Variants in SRPK1 observed in about 807,000 individuals in gnomAD.
The protein encoded by SRPK1 is SFRS protein kinase 1.
A neutral mutation model predicts 89.5 loss-of-function variants in SRPK1; 52 were observed. The ratio of observed to expected loss-of-function variants is 0.58; its 90% CI spans 0.46 to 0.73. The LOEUF (loss-of-function observed/expected upper bound fraction) is 0.73, where lower values mean the gene tolerates loss of function less well. SRPK1 is among the 30% of genes least tolerant of loss of function. SRPK1 has a pLI of 0.00. For synonymous variants in SRPK1, 255 were observed against 270.2 expected, an observed-to-expected ratio of 0.94 and a Z score of 0.55; for missense variants, 603 against 780.6, an observed-to-expected ratio of 0.77 and a Z score of 2.71.
At chr6:35,906,486 A>T (rs920252867) in intron 2 of SRPK1, among the ~76,000 whole-genome samples, 3 of 152,232 alleles carry the variant, frequency 2.0e-5, no homozygotes, top group African/African-American at 7.2e-5. Flanking sequence ...TGGCCTCCCA[A>T]AGTGCTGAGA....
intron 6 of SRPK1, among the ~76,000 whole-genome samples, chr6:35,884,846 C>T (rs952345745): frequency 2.4e-4 from 36 of 151,960 alleles, no homozygotes; most frequent in African/African-American, 6.8e-4. Context: ...ACTAAAAATA[C>T]AAAATTAGCT....
chr6:35,865,666 A>G (rs888788974), intron 12 of SRPK1, among the ~76,000 whole-genome samples: 5 of 152,172 alleles, frequency 3.3e-5, no homozygotes, highest in Non-Finnish European at 7.3e-5. Flanking sequence ...CTGATCTTTG[A>G]AAAGTCAACA....
At chr6:35,889,673 A>C (rs1290796176) in intron 3 of SRPK1, among the ~76,000 whole-genome samples, 1 of 152,080 alleles carries the variant, frequency 6.6e-6, no homozygotes, top group Non-Finnish European at 1.5e-5. Context: ...AGTCCCAGCT[A>C]CTCGGGAGGC....
intron 14 of SRPK1, chr6:35,838,810 G>A (rs1199294233): frequency 7.3e-7 from 1 of 1,370,510 alleles, no homozygotes; most frequent in African/African-American, 1.5e-5. Context: ...TAAAATAGAA[G>A]GGTAAGAAGA....
At chr6:35,835,791 A>T (rs1769165684) in intron 15 of SRPK1, among the ~76,000 whole-genome samples, 1 of 152,190 alleles carries the variant, frequency 6.6e-6, no homozygotes, top group Admixed American at 6.5e-5. Context: ...TAAAATAAAC[A>T]TGAAATGCCT....
intron 12 of SRPK1, among the ~76,000 whole-genome samples, chr6:35,860,458 T>C (rs1490876625): frequency 6.6e-6 from 1 of 152,194 alleles, no homozygotes; most frequent in Non-Finnish European, 1.5e-5. Flanking sequence ...AAAACACACA[T>C]GAAGGTGTTC....
Position 35,874,271 on chromosome 6 carries a change from CCT to C in SRPK1, c.545_546del (p.Gln182ArgfsTer19). ...LLKWIIKSNYQGLPLPCVKKI... is the reference protein window; with the variant it reads ...LLKWIIKSNYXGLPLPCVKKI... ...TTTTTGACACAAGGCAGTGGAAGCC[CCT>C]GATAATTGGATTTGATGATCCACTT... On this transcript the variant is annotated frameshift_variant, in exon 7 of 16. Transcript: ENST00000373825. LOFTEE classifies it high-confidence loss of function. The C allele has an allele frequency of 6.2e-7, 1 of 1,613,324 alleles. No homozygotes were observed. Among genetic ancestry groups the C allele is most frequent in the Non-Finnish European group, 8.5e-7 (1 of 1,179,640 alleles).
At chr6:35,886,954 CTTT>C in intron 5 of SRPK1, 143 bp from the exon 6 acceptor site, 1 of 586,188 alleles carries the variant, frequency 1.7e-6, no homozygotes. Flanking sequence ...ATTTCAATAG[CTTT>C]AATGGAGAAA....
rs1389050362 is a variant in SRPK1 at position 35,872,592 on chromosome 6, G to C, written c.722C>G (p.Ser241Cys). The C allele has an allele frequency of 1.9e-6, 3 of 1,610,222 alleles. No individual in the cohort carries two copies. Among genetic ancestry groups the C allele is most frequent in the Non-Finnish European group, 8.5e-7 (1 of 1,178,452 alleles). Residue 241 changes from serine to cysteine, a missense_variant, in exon 8 of 16, where the codon TCT becomes TGT. Coordinates refer to ENST00000373825, the MANE Select transcript of SRPK1 (RefSeq NM_003137.5). ...AGATCCGGAAGGCGGAGGAGCTCCAGATCGCTGCCATTCTGTTGCTTCTGC... is the reference window on the plus strand; with the variant it reads ...AGATCCGGAAGGCGGAGGAGCTCCACATCGCTGCCATTCTGTTGCTTCTGC... ...LAAEATEWQR[S>C]GAPPPSGSAV...
intron 2 of SRPK1, among the ~76,000 whole-genome samples, chr6:35,915,995 TATACACACACACAC>T (rs1158088334): frequency 9.0e-4 from 49 of 54,644 alleles, no homozygotes; most frequent in African/African-American, 3.0e-3. Context: ...AAAAAAAATA[TATACACACACACAC>T]ACACACACAC....
Position 35,916,298 on chromosome 6 carries a change from G to A in SRPK1, c.74+4170C>T, listed in dbSNP as rs150734193. On this transcript the variant is annotated intron_variant, in intron 2 of 15. Transcript: ENST00000373825. ...ATATCAACTTAATGGAATGCTAGAT[G>A]AGGTTCTCTTTCTGTCCTGACATGG... is the stretch of plus-strand genomic sequence containing the variant. Among the ~76,000 whole-genome samples the A allele has an allele frequency of 3.9e-3, 589 of 151,948 alleles. 2 individuals carry two copies. Among genetic ancestry groups the A allele is most frequent in the African/African-American group, 0.013 (546 of 41,462 alleles).
intron 12 of SRPK1, among the ~76,000 whole-genome samples, chr6:35,866,493 G>A (rs771030837): frequency 1.3e-5 from 2 of 152,168 alleles, no homozygotes; most frequent in African/African-American, 2.4e-5. Context: ...GGGTGAGGCA[G>A]GAGAATTGCT....
intron 9 of SRPK1, 113 bp downstream of exon 9, chr6:35,870,820 AT>A (rs1561979208): frequency 2.4e-5 from 22 of 919,128 alleles, no homozygotes; most frequent in South Asian, 5.5e-5. Flanking sequence ...AAGCGCAGGA[AT>A]TTTTTTTCCT....
At chr6:35,844,133 T>C (rs1400240702) in intron 13 of SRPK1, among the ~76,000 whole-genome samples, 1 of 151,512 alleles carries the variant, frequency 6.6e-6, no homozygotes, top group Admixed American at 6.6e-5. Context: ...GCCTCCCCAG[T>C]AGGTGGGACT....
intron 2 of SRPK1, among the ~76,000 whole-genome samples, chr6:35,915,980 A>AAC (rs1771083778): frequency 3.1e-5 from 3 of 97,156 alleles, no homozygotes; most frequent in African/African-American, 1.7e-4. Flanking sequence ...TCAAAAACAA[A>AAC]AAAAAAAAAA....
rs908762602 is a variant in SRPK1 at position 35,849,383 on chromosome 6, T to C, written c.1621-6779A>G. 5.3e-5 allele frequency among the ~76,000 whole-genome samples: 8 copies of C among 152,206 alleles called. No homozygotes were observed. In the East Asian group the frequency reaches 7.7e-4, roughly 15 times the overall value. On this transcript the variant is annotated intron_variant, in intron 13 of 15. Coordinates refer to ENST00000373825, the MANE Select transcript of SRPK1 (RefSeq NM_003137.5). ...GAGCAAAGGGAAGTCTTGAATGCTG[T>C]TGGTGGGAATGTAAATTAGTACAAC... is the stretch of plus-strand genomic sequence containing the variant.
In SRPK1 at chr6:35,833,770, T is replaced by C. The variant is rs895337941; in HGVS notation, c.*1534A>G. Reference sequence around the variant, plus strand: ...ACAAAGTAGATTCCAATCTCCTGTATAGAAAGGTGGTTACCCAATAGCCTC... The same window carrying C: ...ACAAAGTAGATTCCAATCTCCTGTACAGAAAGGTGGTTACCCAATAGCCTC... On this transcript the variant is annotated 3_prime_UTR_variant, in exon 16 of 16. Coordinates refer to ENST00000373825, the MANE Select transcript of SRPK1 (RefSeq NM_003137.5). The C allele has an allele frequency of 6.6e-6, 1 of 152,610 alleles. No homozygotes were observed. The highest frequency in any genetic ancestry group is 1.5e-5 in the Non-Finnish European group (1 of 68,054). 9.5% of individuals were successfully genotyped at this position (152,610 alleles called of 1,614,324 possible).
In SRPK1 at chr6:35,833,458, C is replaced by G. The variant is rs907391136; in HGVS notation, c.*1846G>C. 6.6e-6 allele frequency: 1 copy of G among 152,528 alleles called. No homozygotes were observed. Among genetic ancestry groups the G allele is most frequent in the African/African-American group, 2.4e-5 (1 of 41,400 alleles). 9.4% of individuals were successfully genotyped at this position (152,528 alleles called of 1,614,324 possible). On this transcript the variant is annotated 3_prime_UTR_variant, in exon 16 of 16. Coordinates refer to ENST00000373825, the MANE Select transcript of SRPK1 (RefSeq NM_003137.5). ...TGATTTTACTATGTAGAAGATAATT[C>G]AGTTCTAGTCTATTGCTTTAGATGT...
chr6:35,874,036 C>G (rs1212629985), intron 7 of SRPK1, among the ~76,000 whole-genome samples, 197 bp downstream of exon 7: 2 of 149,800 alleles, frequency 1.3e-5, no homozygotes, highest in Non-Finnish European at 3.0e-5. Context: ...ACCATGTTAG[C>G]CAGGATGGTC....
Sources: allele counts gnomAD v4.1 joint callset (sites outside exome capture counted in the v4.1 genomes callset), GRCh38; gene constraint gnomAD v4.1.1; transcripts MANE v1.5; gene names NCBI Gene and HGNC (gene_info 2026-07-23, HGNC 2026-07-21).